Variants in RASGRP3 observed in about 807,000 individuals in gnomAD.
The protein encoded by RASGRP3 is RAS guanyl releasing protein 3.
A neutral mutation model predicts 82.7 loss-of-function variants in RASGRP3; 54 were observed. That is an observed-to-expected ratio of 0.65 (90% confidence interval 0.52 to 0.82). The LOEUF is 0.82. RASGRP3 is among the 40% of genes least tolerant of loss of function. RASGRP3 has a pLI of 0.00. For synonymous variants in RASGRP3, 309 were observed against 300.5 expected (o/e 1.03, Z -0.29); for missense variants, 861 against 828.9 (o/e 1.04, Z -0.48).
At chr2:33,551,810 G>A (rs1675390002) in intron 14 of RASGRP3, among the ~76,000 whole-genome samples, 2 of 152,074 alleles carry the variant, frequency 1.3e-5, no homozygotes, top group Admixed American at 6.6e-5. Flanking sequence ...TGGCTAACAC[G>A]GTGAAACCCC....
At chr2:33,544,837 T>A (rs901211349) in intron 13 of RASGRP3, among the ~76,000 whole-genome samples, 5 of 145,418 alleles carry the variant, frequency 3.4e-5, no homozygotes, top group African/African-American at 1.4e-4. Context: ...CTCTAACTAT[T>A]TTTTTTTAAT....
intron 15 of RASGRP3, among the ~76,000 whole-genome samples, chr2:33,556,733 G>C (rs1010209102): frequency 6.6e-6 from 1 of 152,062 alleles, no homozygotes. Context: ...GGAAGCCACT[G>C]TTTAGTGCTC....
At chr2:33,442,356 T>A (rs1665270876) in intron 1 of RASGRP3, among the ~76,000 whole-genome samples, 1 of 152,204 alleles carries the variant, frequency 6.6e-6, no homozygotes, top group African/African-American at 2.4e-5. Flanking sequence ...AGAGCGAGAC[T>A]ACGTCTCGAA....
chr2:33,504,220 A>G (rs1395627267), intron 1 of RASGRP3, among the ~76,000 whole-genome samples: 5 of 152,144 alleles, frequency 3.3e-5, no homozygotes, highest in Admixed American at 3.3e-4. Flanking sequence ...TTTCTATTGT[A>G]ATTTTGTGAC....
intron 4 of RASGRP3, among the ~76,000 whole-genome samples, chr2:33,517,713 G>A (rs1048390275): frequency 6.6e-6 from 1 of 152,146 alleles, no homozygotes; most frequent in African/African-American, 2.4e-5. Context: ...TAAGGATGGA[G>A]GGCATTGACT....
chr2:33,519,479 G>A (rs1486922445), intron 4 of RASGRP3, among the ~76,000 whole-genome samples: 2 of 152,136 alleles, frequency 1.3e-5, no homozygotes, highest in African/African-American at 4.8e-5. Flanking sequence ...AGCCAGGCAT[G>A]TTGGCGGGTT....
At chr2:33,452,306 T>C (rs1274504942) in intron 2 of RASGRP3, among the ~76,000 whole-genome samples, 2 of 152,238 alleles carry the variant, frequency 1.3e-5, no homozygotes, top group East Asian at 3.8e-4. Flanking sequence ...TGTGGCTATA[T>C]ATTGATGTCT....
At chr2:33,501,864 G>T (rs1669904302) in intron 1 of RASGRP3, among the ~76,000 whole-genome samples, 1 of 152,200 alleles carries the variant, frequency 6.6e-6, no homozygotes, top group African/African-American at 2.4e-5. Context: ...CAACCAAAAG[G>T]AGAATTTAAG....
chr2:33,442,372 A>G (rs1665272314), intron 1 of RASGRP3, among the ~76,000 whole-genome samples: 2 of 152,306 alleles, frequency 1.3e-5, no homozygotes, highest in Middle Eastern at 3.4e-3. Flanking sequence ...TCGAAAAAAA[A>G]TTTCTGGTTG....
At chr2:33,516,680 T>G (rs1189288290) in intron 4 of RASGRP3, 36 bp downstream of exon 4, 2 of 1,352,244 alleles carry the variant, frequency 1.5e-6, no homozygotes, top group East Asian at 4.9e-5. Flanking sequence ...TTTACAATCA[T>G]AAATCAAGCT....
intron 12 of RASGRP3, 135 bp downstream of exon 12, chr2:33,539,345 C>G: frequency 1.5e-6 from 1 of 683,394 alleles, no homozygotes; most frequent in Non-Finnish European, 2.5e-6. Context: ...TTAGCAGGCA[C>G]TTAGTCCTAC....
intron 1 of RASGRP3, among the ~76,000 whole-genome samples, chr2:33,510,443 G>C (rs543080434): frequency 4.0e-4 from 61 of 152,294 alleles, no homozygotes; most frequent in African/African-American, 1.4e-3. Flanking sequence ...CCTAACTTTG[G>C]CTTGAGAACC....
At chr2:33,522,440 G>A (rs1396147486) in intron 7 of RASGRP3, among the ~76,000 whole-genome samples, 2 of 152,098 alleles carry the variant, frequency 1.3e-5, no homozygotes, top group Non-Finnish European at 2.9e-5. Flanking sequence ...TAGGCCCTTC[G>A]TTTTTGGGAA....
chr2:33,515,157 G>C lies in RASGRP3; in HGVS notation c.21G>C (p.Gly7=), dbSNP rs781662268. The C allele has an allele frequency of 1.5e-5, 24 of 1,613,842 alleles. No individual in the cohort carries two copies. The highest frequency in any genetic ancestry group is 1.6e-5 in the Non-Finnish European group (19 of 1,179,872). Reference sequence around the variant, plus strand: ...TAACCATGGGATCAAGTGGCCTTGGGAAAGCAGCAACATTAGATGAACTGC... The same window carrying C: ...TAACCATGGGATCAAGTGGCCTTGGCAAAGCAGCAACATTAGATGAACTGC... MGSSGL[G]KAATLDELLC... The change falls in exon 3 of 18, where the codon GGG becomes GGC. Residue 7 remains glycine (G), a synonymous_variant. Coordinates refer to ENST00000403687, the MANE Select transcript of RASGRP3 (RefSeq NM_001139488.2).
chr2:33,521,978 G>A lies in RASGRP3; in HGVS notation c.392G>A (p.Arg131Lys). The change falls in exon 7 of 18, where the codon AGA becomes AAA. Residue 131 changes from arginine to lysine, a missense_variant. By Grantham distance (26) the Arg-to-Lys change is conservative. Coordinates refer to ENST00000403687, the MANE Select transcript of RASGRP3 (RefSeq NM_001139488.2). ...SSIPSYDWMR[R>K]VTQRKKVSKK... is the part of the protein sequence containing the mutation. ...AGTCCTTCCTATGACTGGATGAGAA[G>A]AGTCACACAGAGGAAAAAAGTATCC... The A allele has an allele frequency of 6.2e-7, 1 of 1,613,462 alleles. No individual in the cohort carries two copies. The highest frequency in any genetic ancestry group is 1.3e-5 in the African/African-American group (1 of 75,014).
At chr2:33,535,412 T>C (rs1673510573) in intron 11 of RASGRP3, among the ~76,000 whole-genome samples, 1 of 152,246 alleles carries the variant, frequency 6.6e-6, no homozygotes, top group South Asian at 2.1e-4. Context: ...TATAATCACA[T>C]CTTGAGATCA....
intron 14 of RASGRP3, among the ~76,000 whole-genome samples, chr2:33,553,521 A>C (rs1427283048): frequency 1.3e-5 from 2 of 152,052 alleles, no homozygotes; most frequent in Admixed American, 6.6e-5. Flanking sequence ...GGAGATTGCA[A>C]ATTATCTAAC....
intron 11 of RASGRP3, among the ~76,000 whole-genome samples, chr2:33,536,220 C>T (rs887009300): frequency 4.7e-5 from 7 of 148,718 alleles, no homozygotes; most frequent in African/African-American, 1.7e-4. Context: ...GAGGATCACT[C>T]GAATCCAGGA....
At chr2:33,482,484 C>G (rs560695084) in intron 1 of RASGRP3, 1 of 152,170 alleles carries the variant, frequency 6.6e-6, no homozygotes, top group Non-Finnish European at 1.5e-5. Flanking sequence ...TCAGTGTGCA[C>G]GCTCCTTGCC....
Sources: gnomAD v4.1 joint callset for allele counts (sites outside exome capture counted in the v4.1 genomes callset) on GRCh38, gnomAD v4.1.1 for gene constraint, MANE v1.5 for transcripts, NCBI Gene and HGNC (gene_info 2026-07-23, HGNC 2026-07-21) for gene names.